The following SLC24A5 variants were observed in gnomAD, a reference collection of about 807,000 sequenced individuals.
The protein encoded by SLC24A5 is solute carrier family 24 member 5, also known as sodium/potassium/calcium exchanger 5.
Under a neutral mutation model 51.6 loss-of-function variants are expected in SLC24A5, and 46 were observed. That is an observed-to-expected ratio of 0.89 (90% CI 0.70 to 1.14). The LOEUF is 1.14. Among genes scored for constraint, SLC24A5 ranks in the 50% most tolerant of loss-of-function variants. SLC24A5 has a pLI of 0.00. For missense variants in SLC24A5, 581 were observed against 604.1 expected (o/e 0.96, Z 0.40); for synonymous variants, 230 against 214.9 (o/e 1.07, Z -0.62).
At position 48,141,135 on chromosome 15, in the gene SLC24A5, T is replaced by C. The variant is rs760325425; in HGVS notation, c.1101T>C (p.Asp367=). ...TITGETLEIP[D]TVMGLTLLAA... is the part of the protein sequence containing the mutation. ...CAGGGGAAACACTAGAAATTCCCGA[T>C]ACAGTAATGGGCCTTACTTTATTAG... The change falls in exon 8 of 9, where the codon GAT becomes GAC. Residue 367 remains aspartate, a synonymous_variant. Transcript: ENST00000341459. 7 of 1,613,436 alleles carry C rather than the reference T, an allele frequency of 4.3e-6. No individual in the cohort carries two copies. The highest frequency in any genetic ancestry group is 3.3e-5 in the South Asian group (3 of 91,074).
chr15:48,142,010 G>A lies in SLC24A5; in HGVS notation c.1181-19G>A, dbSNP rs753970927. ...CAGTATTGGTAAGCACATTTTAACA[G>A]TATGCTTTTCTTTTGTAGGGAAAGG... On this transcript the variant is annotated intron_variant, in intron 8 of 8. Coordinates refer to ENST00000341459, the MANE Select transcript of SLC24A5 (RefSeq NM_205850.3). The A allele has an allele frequency of 7.0e-6, 11 of 1,561,858 alleles. No homozygotes were observed. The highest frequency in any genetic ancestry group is 9.6e-6 in the Non-Finnish European group (11 of 1,142,636).
Position 48,142,565 on chromosome 15 carries a change from A to G in SLC24A5, c.*214A>G. 1 of 479,324 alleles carries G rather than the reference A, an allele frequency of 2.1e-6. No homozygotes were observed. Among genetic ancestry groups the G allele is most frequent in the Non-Finnish European group, 3.6e-6 (1 of 280,056 alleles). The allele number at this position is 479,324 out of a possible 1,614,324, so 29.7% of individuals were successfully genotyped here. A position where few individuals can be genotyped will look rare whatever the true frequency, so the allele number is the denominator to read the frequency against. On this transcript the variant is annotated 3_prime_UTR_variant, in exon 9 of 9. Transcript: ENST00000341459. ...ATAAAACAGAAGTTTGGGGGGAAAA[A>G]ATCTATGTTTTACCATACAATAAGT...
chr15:48,140,429 T>C (rs1294801159), intron 7 of SLC24A5: 1 of 152,146 alleles, frequency 6.6e-6, no homozygotes, highest in Non-Finnish European at 1.5e-5. Context: ...ATTACAACAT[T>C]AAAGGAACAG....
chr15:48,130,364 T>G (rs1737959147), intron 2 of SLC24A5, among the ~76,000 whole-genome samples: 1 of 152,174 alleles, frequency 6.6e-6, no homozygotes, highest in Admixed American at 6.5e-5. Flanking sequence ...CTTAGAACAT[T>G]AAGATATAAT....
Position 48,134,908 on chromosome 15 carries a change from C to G in SLC24A5, c.514C>G (p.Leu172Val), listed in dbSNP as rs957604752. The G allele has an allele frequency of 3.7e-6, 6 of 1,611,994 alleles. No homozygotes were observed. The highest frequency in any genetic ancestry group is 5.1e-6 in the Non-Finnish European group (6 of 1,178,742). Reference protein sequence around the residue: ...NTVSTLSCWPLFRDCAAYTIS... With the variant: ...NTVSTLSCWPVFRDCAAYTIS... ...GGTCTCAACACTATCATGTTGGCCC[C>G]TATTCAGAGACTGTGCAGCGTACAC... Residue 172 changes from leucine to valine, a missense_variant, in exon 5 of 9, where the codon CTA becomes GTA. Transcript: ENST00000341459.
Position 48,142,097 on chromosome 15 carries a change from C to G in SLC24A5, c.1249C>G (p.Pro417Ala). The change falls in exon 9 of 9, where the codon CCA becomes GCA. Residue 417 changes from proline to alanine, a missense_variant. Transcript: ENST00000341459. ...GTTTGATATGTTGTGCCTTGGTATT[C>G]CATGGTTTATTAAAACTGCATTTAT... ...NVFDMLCLGI[P>A]WFIKTAFING... is the part of the protein sequence containing the mutation. The G allele has an allele frequency of 6.2e-7, 1 of 1,613,820 alleles. No individual in the cohort carries two copies. Among genetic ancestry groups the G allele is most frequent in the Non-Finnish European group, 8.5e-7 (1 of 1,179,866 alleles).
chr15:48,139,014 T>C lies in SLC24A5; in HGVS notation c.917T>C (p.Ile306Thr). 6.2e-7 allele frequency: 1 copy of C among 1,612,994 alleles called. No homozygotes were observed. The highest frequency in any genetic ancestry group is 8.5e-7 in the Non-Finnish European group (1 of 1,179,272). ...FNMPEADLKR[I>T]FWVLSLPIIT... ...ATGCCTGAAGCAGACTTAAAAAGAA[T>C]TTTTTGGGTATTATCCCTTCCTATT... The change falls in exon 7 of 9, where the codon ATT (isoleucine) becomes ACT (threonine). Residue 306 changes from isoleucine to threonine, a missense_variant. Transcript: ENST00000341459.
At chr15:48,129,367 G>T (rs1356935862) in intron 2 of SLC24A5, among the ~76,000 whole-genome samples, 1 of 152,064 alleles carries the variant, frequency 6.6e-6, no homozygotes, top group African/African-American at 2.4e-5. Flanking sequence ...TTCAGAACCA[G>T]TTTTGCAAAT....
intron 6 of SLC24A5, chr15:48,137,316 T>A (rs2038925910): frequency 5.1e-6 from 1 of 196,416 alleles, no homozygotes; most frequent in Non-Finnish European, 1.0e-5. Context: ...TGACATATGT[T>A]ATGACCAATA....
intron 7 of SLC24A5, chr15:48,140,417 C>T (rs2039028754): frequency 6.6e-6 from 1 of 151,914 alleles, no homozygotes; most frequent in Admixed American, 6.6e-5. Context: ...ACCAAGTTTT[C>T]AATTACAACA....
chr15:48,134,475 C>G lies in SLC24A5; in HGVS notation c.426C>G (p.Ile142Met), dbSNP rs776256509. Residue 142 changes from isoleucine to methionine, a missense_variant, in exon 4 of 9, where the codon ATC becomes ATG. Ile to Met is a conservative substitution (Grantham distance 10). Transcript: ENST00000341459. ...AGGGAGATATTGGCATTAGCACCATCCTTGGATCTGCAATTTATAATCTCC... is the reference window on the plus strand; with the variant it reads ...AGGGAGATATTGGCATTAGCACCATGCTTGGATCTGCAATTTATAATCTCC... ...ITKGDIGIST[I>M]LGSAIYNLLG... 1 of 1,613,546 alleles carries G rather than the reference C, an allele frequency of 6.2e-7. No homozygotes were observed. Among genetic ancestry groups the G allele is most frequent in the Non-Finnish European group, 8.5e-7 (1 of 1,179,576 alleles).
Position 48,142,321 on chromosome 15 carries a change from A to C in SLC24A5, c.1473A>C (p.Gly491=). 1 of 1,607,678 alleles carries C rather than the reference A, an allele frequency of 6.2e-7. No homozygotes were observed. Among genetic ancestry groups the C allele is most frequent in the Non-Finnish European group, 8.5e-7 (1 of 1,176,492 alleles). Residue 491 remains glycine (G), a synonymous_variant, in exon 9 of 9, where the codon GGA becomes GGC. Transcript: ENST00000341459. Reference sequence around the variant, plus strand: ...TTCTATATGAACTTGGAATTATTGGAAATAATAAAATAAGGGGCTGTGGAG... The same window carrying C: ...TTCTATATGAACTTGGAATTATTGGCAATAATAAAATAAGGGGCTGTGGAG... The part of the protein sequence containing the change: ...LSVLYELGII[G]NNKIRGCGG
chr15:48,127,382 G>T (rs1266013406), intron 2 of SLC24A5, among the ~76,000 whole-genome samples: 2 of 152,204 alleles, frequency 1.3e-5, no homozygotes, highest in African/African-American at 4.8e-5. Context: ...AATCTACGGT[G>T]CATCTGCTAG....
chr15:48,135,891 G>A (rs1390091467), intron 5 of SLC24A5: 1 of 152,060 alleles, frequency 6.6e-6, no homozygotes, highest in African/African-American at 2.4e-5. Context: ...CTAGAACTCA[G>A]CAGTTGTCTG....
chr15:48,122,470 A>T (rs924212056), intron 2 of SLC24A5: 4 of 207,484 alleles, frequency 1.9e-5, no homozygotes, highest in Admixed American at 5.4e-5. Context: ...AAACAAATGC[A>T]ATTAAGGACC....
chr15:48,135,213 C>T lies in SLC24A5; in HGVS notation c.590+229C>T, dbSNP rs1375330454. The T allele has an allele frequency of 8.5e-6, 3 of 354,332 alleles. No homozygotes were observed. In the Admixed American group the frequency reaches 1.2e-4, roughly 15 times the overall value. The allele number at this position is 354,332 out of a possible 1,614,324, so 21.9% of individuals were successfully genotyped here. Reference sequence around the variant, plus strand: ...GTCTCCTTTTTTCTCTCACTAGTCACTGGAGACCACCACTTTTCCTTCTCC... The same window carrying T: ...GTCTCCTTTTTTCTCTCACTAGTCATTGGAGACCACCACTTTTCCTTCTCC... On this transcript the variant is annotated intron_variant, in intron 5 of 8. Transcript: ENST00000341459.
In SLC24A5 at chr15:48,128,975, C is replaced by G. The variant is rs185827599; in HGVS notation, c.302-5283C>G. Among the ~76,000 whole-genome samples, 13 of 152,150 alleles carry G rather than the reference C, an allele frequency of 8.5e-5. 1 individual carries two copies. The East Asian group carries it at 1.9e-3, about 23-fold the overall frequency. On this transcript the variant is annotated intron_variant, in intron 2 of 8. Coordinates refer to ENST00000341459, the MANE Select transcript of SLC24A5 (RefSeq NM_205850.3). ...CCTCTGCATTTATTACCTATGTGACCTTGGGAAAGTTATGGAACAAAAAAT... is the reference window on the plus strand; with the variant it reads ...CCTCTGCATTTATTACCTATGTGACGTTGGGAAAGTTATGGAACAAAAAAT...
Position 48,141,214 on chromosome 15 carries a change from G to A in SLC24A5, c.1180G>A (p.Gly394Arg). ...TGCAAGTGTGTTGGTTGCAAGAAAA[G>A]GTAAGAACTAGGTCCCTCAAGCTGC... ...TIASVLVARK[G>R]KGDMAMSNIV... The change falls in exon 8 of 9, where the codon GGG becomes AGG. Residue 394 changes from glycine to arginine, a missense_variant and splice_region_variant. Transcript: ENST00000341459. 6.2e-7 allele frequency: 1 copy of A among 1,609,122 alleles called. No individual in the cohort carries two copies. Among genetic ancestry groups the A allele is most frequent in the South Asian group, 1.1e-5 (1 of 90,960 alleles).
At position 48,139,123 on chromosome 15, in the gene SLC24A5, A is replaced by C; in HGVS notation, c.1026A>C (p.Ala342=). ...TTGTGATAACCTTTTTCATGTCTGC[A>C]ATATGGATATCCGCATTTACATATA... ...NYFVITFFMS[A]IWISAFTYIL... Residue 342 remains alanine, a synonymous_variant, in exon 7 of 9, where the codon GCA becomes GCC. Coordinates refer to ENST00000341459, the MANE Select transcript of SLC24A5 (RefSeq NM_205850.3). 6.2e-7 allele frequency: 1 copy of C among 1,613,118 alleles called. No homozygotes were observed.
Sources: allele counts gnomAD v4.1 joint callset (sites outside exome capture counted in the v4.1 genomes callset), GRCh38; gene constraint gnomAD v4.1.1; transcripts MANE v1.5; gene names NCBI Gene and HGNC (gene_info 2026-07-23, HGNC 2026-07-21).